UBASH3B: variants seen among roughly 807,000 people sequenced by gnomAD.
UBASH3B encodes ubiquitin-associated and SH3 domain-containing protein B.
A neutral mutation model predicts 83.4 loss-of-function variants in UBASH3B; 37 were observed. The observed-to-expected ratio is 0.44, with a 90% confidence interval of 0.34 to 0.58. The LOEUF is 0.58. Ranked by LOEUF, UBASH3B falls within the 20% of genes least tolerant of loss-of-function variation. The pLI is 0.01. For missense variants in UBASH3B, 657 were observed against 827.2 expected, an observed-to-expected ratio of 0.79 and a Z score of 2.52; for synonymous variants, 304 against 318.3, an observed-to-expected ratio of 0.96 and a Z score of 0.48.
rs549136625 is a variant in UBASH3B at position 122,719,857 on chromosome 11, CATT to C, written c.162-56361_162-56359del. Among the ~76,000 whole-genome samples the C allele has an allele frequency of 1.5e-3, 234 of 152,304 alleles. 2 individuals carry two copies. The highest frequency in any genetic ancestry group is 5.2e-3 in the African/African-American group (218 of 41,566). On this transcript the variant is annotated intron_variant, in intron 1 of 13. Transcript: ENST00000284273. ...GAGCAATTCCATCCTCCATCAGCAG[CATT>C]GGATGCAGGCGATCAGTCCTCTCTC...
chr11:122,777,541 C>T (rs373684362), intron 3 of UBASH3B, among the ~76,000 whole-genome samples: 31 of 152,230 alleles, frequency 2.0e-4, no homozygotes, highest in African/African-American at 4.6e-4. Context: ...TCCACTCTTA[C>T]GACAAGCAAA....
chr11:122,744,352 T>C (rs1861076135), intron 1 of UBASH3B, among the ~76,000 whole-genome samples: 1 of 152,158 alleles, frequency 6.6e-6, no homozygotes, highest in Non-Finnish European at 1.5e-5. Context: ...CATGTGTTTG[T>C]GCATGTGGGT....
chr11:122,751,879 T>C (rs374435060), intron 1 of UBASH3B, among the ~76,000 whole-genome samples: 2 of 152,296 alleles, frequency 1.3e-5, no homozygotes, highest in East Asian at 1.9e-4. Context: ...TCATGGAGGT[T>C]TGATCTAGGG....
At chr11:122,720,953 A>G (rs953262757) in intron 1 of UBASH3B, among the ~76,000 whole-genome samples, 4 of 152,100 alleles carry the variant, frequency 2.6e-5, no homozygotes, top group African/African-American at 9.7e-5. Context: ...TGTTAAAAGA[A>G]TGAATGACTC....
At chr11:122,669,349 CCCT>C (rs1565523035) in intron 1 of UBASH3B, among the ~76,000 whole-genome samples, 6 of 152,184 alleles carry the variant, frequency 3.9e-5, no homozygotes, top group African/African-American at 1.4e-4. Flanking sequence ...TCACTCCAAG[CCCT>C]CCTCATCATC....
At chr11:122,706,209 G>A (rs531797067) in intron 1 of UBASH3B, among the ~76,000 whole-genome samples, 30 of 148,670 alleles carry the variant, frequency 2.0e-4, no homozygotes, top group Admixed American at 4.1e-4. Context: ...CTTCACCTCC[G>A]GGTTCAAGCA....
chr11:122,696,760 T>C (rs544544016), intron 1 of UBASH3B, among the ~76,000 whole-genome samples: 2 of 152,228 alleles, frequency 1.3e-5, no homozygotes, highest in Non-Finnish European at 2.9e-5. Context: ...TAATGGCCCC[T>C]GCCTTCCCAT....
intron 1 of UBASH3B, among the ~76,000 whole-genome samples, chr11:122,670,507 G>T (rs1863580144): frequency 6.6e-6 from 1 of 152,188 alleles, no homozygotes; most frequent in Admixed American, 6.5e-5. Context: ...TCTGTTAAAT[G>T]AAGGTAATAG....
In UBASH3B at chr11:122,690,186, A is replaced by ATATATATCCAAT. The variant is rs1555135479; in HGVS notation, c.161+33983_161+33984insCCAATTATATAT. 4.1e-3 allele frequency among the ~76,000 whole-genome samples: 108 copies of ATATATATCCAAT among 26,418 alleles called. 1 individual carries two copies. Among genetic ancestry groups the ATATATATCCAAT allele is most frequent in the African/African-American group, 0.014 (106 of 7,370 alleles). The allele number at this position is 26,418 out of a possible 152,430, so 17.3% of individuals were successfully genotyped here. On this transcript the variant is annotated intron_variant, in intron 1 of 13. Transcript: ENST00000284273. Reference sequence around the variant, plus strand: ...GGAAAACATATATATATATATATATATATATATATATATATATATATATCC... The same window carrying ATATATATCCAAT: ...GGAAAACATATATATATATATATATATATATATCCAATTATATATATATATATATATATATCC...
In UBASH3B at chr11:122,810,098, C is replaced by CT; in HGVS notation, c.*213dup. On this transcript the variant is annotated 3_prime_UTR_variant, in exon 14 of 14. Transcript: ENST00000284273. ...AAATGTGTTCTCTCTGGACTCTTGCCTAGCTCACAAGGCTTTGGAGAATTG... is the reference window on the plus strand; with the variant it reads ...AAATGTGTTCTCTCTGGACTCTTGCCTTAGCTCACAAGGCTTTGGAGAATTG... 1.9e-6 allele frequency: 1 copy of CT among 538,900 alleles called. No homozygotes were observed. 33.4% of individuals were successfully genotyped at this position (538,900 alleles called of 1,614,324 possible). A position where few individuals can be genotyped will look rare whatever the true frequency, so the allele number is the denominator to read the frequency against.
Position 122,806,356 on chromosome 11 carries a change from C to G in UBASH3B, c.1596-54C>G. 6.9e-7 allele frequency: 1 copy of G among 1,452,670 alleles called. No homozygotes were observed. The highest frequency in any genetic ancestry group is 9.4e-7 in the Non-Finnish European group (1 of 1,058,716). 90.0% of individuals were successfully genotyped at this position (1,452,670 alleles called of 1,614,324 possible). A position where few individuals can be genotyped will look rare whatever the true frequency, so the allele number is the denominator to read the frequency against. On this transcript the variant is annotated intron_variant, in intron 11 of 13. Transcript: ENST00000284273. This position sits in a 1 kb window ranked among gnomAD's most constrained non-coding sequence, Gnocchi z 4.0. Reference sequence around the variant, plus strand: ...AATAAAAGTTTAGAGTGATATCTTCCTTTGTCTCAAGATCAAAATGTTTTC... The same window carrying G: ...AATAAAAGTTTAGAGTGATATCTTCGTTTGTCTCAAGATCAAAATGTTTTC...
intron 1 of UBASH3B, among the ~76,000 whole-genome samples, chr11:122,700,528 G>A (rs796530613): frequency 3.5e-4 from 41 of 115,522 alleles, no homozygotes; most frequent in African/African-American, 1.3e-3. Context: ...ATGGAGTCTC[G>A]CTCTGTCACC....
intron 1 of UBASH3B, among the ~76,000 whole-genome samples, chr11:122,752,603 C>T (rs954481719): frequency 3.5e-4 from 54 of 152,148 alleles, no homozygotes; most frequent in African/African-American, 1.2e-3. Flanking sequence ...CTTGATCTTA[C>T]GGGCAGTAGG....
At chr11:122,663,848 C>T (rs1863480092) in intron 1 of UBASH3B, among the ~76,000 whole-genome samples, 1 of 152,200 alleles carries the variant, frequency 6.6e-6, no homozygotes, top group Non-Finnish European at 1.5e-5. Context: ...TGCTAAGCCT[C>T]AATTTTCCTG....
chr11:122,700,358 G>A (rs2135928223), intron 1 of UBASH3B, among the ~76,000 whole-genome samples: 1 of 152,212 alleles, frequency 6.6e-6, no homozygotes, highest in African/African-American at 2.4e-5. Flanking sequence ...CCAAGTTTGG[G>A]ATTTTGTTAA....
chr11:122,657,540 C>T (rs912532721), intron 1 of UBASH3B, among the ~76,000 whole-genome samples: 5 of 152,174 alleles, frequency 3.3e-5, no homozygotes, highest in Non-Finnish European at 7.3e-5. Flanking sequence ...CCACCCACCT[C>T]GGTCTCCCAA....
At chr11:122,776,947 T>G in intron 2 of UBASH3B, 77 bp from the exon 3 acceptor site, 1 of 1,367,520 alleles carries the variant, frequency 7.3e-7, no homozygotes, top group Non-Finnish European at 1.0e-6. Context: ...ACATGGAGGG[T>G]GGATCTGTCT....
chr11:122,771,748 AACACAC>A (rs58950220), intron 1 of UBASH3B, among the ~76,000 whole-genome samples: 24,111 of 146,980 alleles, frequency 0.16, 1,969 homozygotes, highest in Admixed American at 0.21. Context: ...GCTGTGTTAA[AACACAC>A]ACACACACAC....
At chr11:122,723,048 C>A (rs945672634) in intron 1 of UBASH3B, among the ~76,000 whole-genome samples, 1 of 152,252 alleles carries the variant, frequency 6.6e-6, no homozygotes, top group African/African-American at 2.4e-5. Context: ...ATACTGCCAG[C>A]CTTTGCACAG....
Sources: gnomAD v4.1 joint callset for allele counts (sites outside exome capture counted in the v4.1 genomes callset) on GRCh38, gnomAD v4.1.1 for gene constraint, Gnocchi (gnomAD v3.1) non-coding constraint, MANE v1.5 for transcripts, NCBI Gene and HGNC (gene_info 2026-07-23, HGNC 2026-07-21) for gene names.